Variants in PKHD1 observed in about 807,000 individuals in gnomAD.
PKHD1 encodes fibrocystin.
In PKHD1, 291 loss-of-function variants were observed where a neutral mutation model predicts 412.0. The ratio of observed to expected loss-of-function variants is 0.71; its 90% CI spans 0.64 to 0.78. The LOEUF is 0.78. Among genes scored for constraint, PKHD1 ranks in the 30% least tolerant of loss-of-function variants. PKHD1 has a pLI of 0.00. For missense variants in PKHD1, 4,825 were observed against 4,950.7 expected, an observed-to-expected ratio of 0.97 and a Z score of 0.76; for synonymous variants, 1,777 against 1,821.5, an observed-to-expected ratio of 0.98 and a Z score of 0.62.
At chr6:51,666,099 C>T (rs979156521) in intron 60 of PKHD1, among the ~76,000 whole-genome samples, 3 of 151,942 alleles carry the variant, frequency 2.0e-5, no homozygotes, top group African/African-American at 7.3e-5. Context: ...ATAAAACAGT[C>T]ATTGTGAAAG....
At chr6:51,898,235 C>T (rs1780485586) in intron 43 of PKHD1, among the ~76,000 whole-genome samples, 1 of 151,206 alleles carries the variant, frequency 6.6e-6, no homozygotes, top group Admixed American at 6.6e-5. Flanking sequence ...CACACCACAC[C>T]TATTCCAAAA....
At chr6:51,882,314 A>C (rs1225438043) in intron 46 of PKHD1, among the ~76,000 whole-genome samples, 3 of 152,242 alleles carry the variant, frequency 2.0e-5, no homozygotes, top group Non-Finnish European at 4.4e-5. Context: ...GATTTTACTA[A>C]GAAAAGTTGA....
intron 60 of PKHD1, among the ~76,000 whole-genome samples, chr6:51,712,335 G>T (rs1391439222): frequency 6.6e-6 from 1 of 152,110 alleles, no homozygotes; most frequent in Non-Finnish European, 1.5e-5. Flanking sequence ...AAATAAAGTG[G>T]AGAGGAAGAA....
intron 36 of PKHD1, among the ~76,000 whole-genome samples, chr6:51,949,075 G>A (rs1789910605): frequency 6.6e-6 from 1 of 152,132 alleles, no homozygotes; most frequent in Non-Finnish European, 1.5e-5. Flanking sequence ...AGACCAGGGA[G>A]GGATCTGAGA....
At chr6:51,661,020 T>A (rs1197285377) in intron 60 of PKHD1, among the ~76,000 whole-genome samples, 1 of 152,084 alleles carries the variant, frequency 6.6e-6, no homozygotes, top group Non-Finnish European at 1.5e-5. Context: ...TATCCAGTAG[T>A]TGAGGCATTA....
chr6:51,633,867 C>T (rs1768222579), intron 64 of PKHD1, among the ~76,000 whole-genome samples: 1 of 151,960 alleles, frequency 6.6e-6, no homozygotes. Context: ...ACAAAAATGT[C>T]AATTTTAAAG....
At chr6:51,793,809 T>C (rs1211018331) in intron 52 of PKHD1, among the ~76,000 whole-genome samples, 1 of 152,208 alleles carries the variant, frequency 6.6e-6, no homozygotes, top group Non-Finnish European at 1.5e-5. Context: ...GTCTTTGCTA[T>C]TGTGAATAGT....
At chr6:51,883,803 AG>A (rs1777769273) in intron 45 of PKHD1, among the ~76,000 whole-genome samples, 1 of 152,158 alleles carries the variant, frequency 6.6e-6, no homozygotes, top group East Asian at 1.9e-4. Flanking sequence ...ATGTTTTGGA[AG>A]CTTAATCCCT....
At chr6:51,628,727 C>T (rs2661492) in intron 65 of PKHD1, among the ~76,000 whole-genome samples, 6,495 of 152,216 alleles carry the variant, frequency 0.043, 229 homozygotes, top group African/African-American at 0.093. Flanking sequence ...CACAACCTCG[C>T]CAACATCTGT....
At chr6:52,071,120 G>T in intron 8 of PKHD1, 50 bp from the exon 9 acceptor site, 1 of 1,224,718 alleles carries the variant, frequency 8.2e-7, no homozygotes. Flanking sequence ...CTCACTACCA[G>T]AAGATCTGAC....
intron 35 of PKHD1, among the ~76,000 whole-genome samples, chr6:51,964,852 T>C (rs1198725062): frequency 6.6e-6 from 1 of 152,150 alleles, no homozygotes; most frequent in Non-Finnish European, 1.5e-5. Context: ...CTGACATAAA[T>C]AACACTTATA....
chr6:51,971,993 A>T (rs540727882), intron 35 of PKHD1, among the ~76,000 whole-genome samples: 1 of 152,140 alleles, frequency 6.6e-6, no homozygotes, highest in Admixed American at 6.5e-5. Context: ...CGGCCTCCCA[A>T]AGTGCTGGGA....
chr6:52,071,092 G>A, intron 8 of PKHD1, 22 bp from the exon 9 acceptor site: 4 of 1,533,388 alleles, frequency 2.6e-6, no homozygotes, highest in Non-Finnish European at 3.6e-6. Context: ...ACAAACTGAG[G>A]TAAGAATGAC....
At chr6:51,883,404 G>A (rs891609029) in intron 45 of PKHD1, among the ~76,000 whole-genome samples, 177 bp from the exon 46 acceptor site, 2 of 151,622 alleles carry the variant, frequency 1.3e-5, no homozygotes, top group African/African-American at 4.8e-5. Context: ...CAGCACTAAT[G>A]AGTCTCCTTT....
chr6:51,869,844 A>G (rs1379153158), intron 47 of PKHD1, among the ~76,000 whole-genome samples: 1 of 152,154 alleles, frequency 6.6e-6, no homozygotes, highest in Admixed American at 6.5e-5. Context: ...ACAAACAATT[A>G]TCTAAATTGG....
chr6:51,692,595 C>T (rs116108106), intron 60 of PKHD1, among the ~76,000 whole-genome samples: 1,628 of 152,234 alleles, frequency 0.011, 32 homozygotes, highest in African/African-American at 0.037. Flanking sequence ...GTCTACTCCT[C>T]CTTGAACATC....
chr6:52,022,257 A>G (rs972945797), intron 33 of PKHD1, among the ~76,000 whole-genome samples: 1 of 152,252 alleles, frequency 6.6e-6, no homozygotes, highest in African/African-American at 2.4e-5. Flanking sequence ...TTACTGAATA[A>G]GAAATAAGTA....
intron 60 of PKHD1, among the ~76,000 whole-genome samples, chr6:51,669,762 G>A (rs1214605118): frequency 7.5e-6 from 1 of 132,938 alleles, no homozygotes; most frequent in Non-Finnish European, 1.5e-5. Context: ...GTTCTCGTTG[G>A]TTTCAAAGAA....
intron 19 of PKHD1, 149 bp downstream of exon 19, chr6:52,055,438 G>T: frequency 1.2e-6 from 1 of 800,944 alleles, no homozygotes; most frequent in Non-Finnish European, 2.1e-6. Flanking sequence ...ACCTGAAACA[G>T]CAGTCGAGAG....
Sources: allele counts gnomAD v4.1 joint callset (sites outside exome capture counted in the v4.1 genomes callset), GRCh38; gene constraint gnomAD v4.1.1; transcripts MANE v1.5; gene names NCBI Gene and HGNC (gene_info 2026-07-23, HGNC 2026-07-21).